The following PRAG1 variants were observed in gnomAD, a reference collection of about 807,000 sequenced individuals.
The protein encoded by PRAG1 is PEAK1 related, kinase-activating pseudokinase 1, also known as inactive tyrosine-protein kinase PRAG1.
A neutral mutation model predicts 95.6 loss-of-function variants in PRAG1; 110 were observed. That is an observed-to-expected ratio of 1.15 (90% CI 0.99 to 1.35). The LOEUF (loss-of-function observed/expected upper bound fraction) is 1.35. Ranked by LOEUF, PRAG1 falls within the 40% of genes most tolerant of loss-of-function variation. The pLI is 0.00. For missense variants in PRAG1, 2,554 were observed against 1,864.7 expected, an observed-to-expected ratio of 1.37 and a Z score of -6.81; for synonymous variants, 1,052 against 819.4, an observed-to-expected ratio of 1.28 and a Z score of -4.85.
chr8:8,356,120 G>C (rs1417966646), intron 3 of PRAG1, among the ~76,000 whole-genome samples: 2 of 152,164 alleles, frequency 1.3e-5, no homozygotes, highest in Non-Finnish European at 2.9e-5. Context: ...CAAAGGATCT[G>C]AACAGACATT....
At chr8:8,349,538 T>C (rs144535923) in intron 3 of PRAG1, among the ~76,000 whole-genome samples, 1,774 of 152,166 alleles carry the variant, frequency 0.012, 34 homozygotes, top group African/African-American at 0.04. Context: ...TGCCTCGGCC[T>C]CCCAAAGTGC....
At chr8:8,322,013 G>C (rs1342435219) in intron 5 of PRAG1, among the ~76,000 whole-genome samples, 1 of 152,186 alleles carries the variant, frequency 6.6e-6, no homozygotes, top group African/African-American at 2.4e-5. Context: ...GAGTCATTAA[G>C]AGGAACTCAC....
At chr8:8,372,353 A>G (rs1800237653) in intron 3 of PRAG1, among the ~76,000 whole-genome samples, 1 of 152,192 alleles carries the variant, frequency 6.6e-6, no homozygotes, top group Admixed American at 6.5e-5. Flanking sequence ...TGACATTTAA[A>G]CTATGAGTTC....
chr8:8,376,365 C>A lies in PRAG1; in HGVS notation c.2044G>T (p.Gly682Trp), dbSNP rs536639997. 17 of 1,614,194 alleles carry A rather than the reference C, an allele frequency of 1.1e-5. No homozygotes were observed. Among genetic ancestry groups the A allele is most frequent in the Middle Eastern group, 1.6e-4 (1 of 6,062 alleles). ...HRLHPTDGSSGQNSKVGTGMS... is the reference protein window; with the variant it reads ...HRLHPTDGSSWQNSKVGTGMS... Reference sequence around the variant, plus strand: ...CCGGTCCCAACTTTGCTGTTCTGCCCAGAGGAGCCATCTGTGGGGTGGAGA... The same window carrying A: ...CCGGTCCCAACTTTGCTGTTCTGCCAAGAGGAGCCATCTGTGGGGTGGAGA... Residue 682 changes from glycine (G) to tryptophan (W), a missense_variant, in exon 3 of 6, where the codon GGG becomes TGG. Coordinates refer to ENST00000615670, the MANE Select transcript of PRAG1 (RefSeq NM_001080826.3).
At chr8:8,384,852 A>T (rs1800798965) in intron 1 of PRAG1, among the ~76,000 whole-genome samples, 2 of 152,142 alleles carry the variant, frequency 1.3e-5, no homozygotes, top group African/African-American at 4.8e-5. Flanking sequence ...CCATTTCAGT[A>T]GGAGGCTGCA....
chr8:8,380,983 G>A (rs1800617270), intron 2 of PRAG1, among the ~76,000 whole-genome samples: 1 of 152,026 alleles, frequency 6.6e-6, no homozygotes, highest in African/African-American at 2.4e-5. Flanking sequence ...AAAATCATAG[G>A]GAAGGGGGTC....
At chr8:8,372,556 G>T (rs767775717) in intron 3 of PRAG1, among the ~76,000 whole-genome samples, 13 of 152,184 alleles carry the variant, frequency 8.5e-5, no homozygotes, top group African/African-American at 3.1e-4. Flanking sequence ...AGGCCTTGCC[G>T]TACCCGCCTG....
intron 1 of PRAG1, among the ~76,000 whole-genome samples, chr8:8,384,018 G>A (rs1800767605): frequency 6.6e-6 from 1 of 152,202 alleles, no homozygotes; most frequent in African/African-American, 2.4e-5. Flanking sequence ...CTCCACTGCA[G>A]GCAGATGCTC....
intron 3 of PRAG1, among the ~76,000 whole-genome samples, chr8:8,346,649 AAGCTTTCAGAATGAG>A (rs1411553558): frequency 6.6e-6 from 1 of 152,196 alleles, no homozygotes; most frequent in African/African-American, 2.4e-5. Flanking sequence ...AATACCCCCG[AAGCTTTCAGAATGAG>A]AGCTTTCAGA....
chr8:8,369,836 G>C (rs1800133421), intron 3 of PRAG1, among the ~76,000 whole-genome samples: 1 of 152,002 alleles, frequency 6.6e-6, no homozygotes, highest in Admixed American at 6.6e-5. Flanking sequence ...AAACAGAACA[G>C]AGGATGTGGT....
Position 8,318,942 on chromosome 8 carries a change from C to G in PRAG1, c.3433G>C (p.Asp1145His), listed in dbSNP as rs1798380617. The change falls in exon 6 of 6, where the codon GAC becomes CAC. Residue 1145 changes from aspartate to histidine, a missense_variant. Physicochemically the swap from Asp to His is moderately conservative, Grantham distance 81 (BLOSUM62 -1). Coordinates refer to ENST00000615670, the MANE Select transcript of PRAG1 (RefSeq NM_001080826.3). This position sits in a 1 kb window ranked among gnomAD's most constrained non-coding sequence, Gnocchi z 4.2. ...AGCAGCAGGTTCTCCAGGCACAGGT[C>G]CCGGTGGATGATCCCGTGCTCCTTC... Reference protein sequence around the residue: ...HLKEHGIIHRDLCLENLLLVH... With the variant: ...HLKEHGIIHRHLCLENLLLVH... The G allele has an allele frequency of 6.2e-6, 10 of 1,612,282 alleles. No homozygotes were observed. In the South Asian group the frequency reaches 7.7e-5, roughly 12 times the overall value.
chr8:8,373,173 T>C (rs1800270404), intron 3 of PRAG1, among the ~76,000 whole-genome samples: 1 of 152,138 alleles, frequency 6.6e-6, no homozygotes, highest in Non-Finnish European at 1.5e-5. Context: ...GGCTGCATTC[T>C]CACTAACACT....
At chr8:8,364,289 A>G (rs1799937315) in intron 3 of PRAG1, among the ~76,000 whole-genome samples, 1 of 152,162 alleles carries the variant, frequency 6.6e-6, no homozygotes, top group Non-Finnish European at 1.5e-5. Flanking sequence ...AGCTCTTCAA[A>G]TTCTTGCCCT....
chr8:8,351,776 C>G (rs764980497), intron 3 of PRAG1, among the ~76,000 whole-genome samples: 1 of 152,136 alleles, frequency 6.6e-6, no homozygotes, highest in Non-Finnish European at 1.5e-5. Context: ...CATCAGCCTG[C>G]CTTCCCCTTG....
intron 3 of PRAG1, among the ~76,000 whole-genome samples, chr8:8,370,957 G>T (rs572518084): frequency 5.9e-5 from 9 of 152,088 alleles, no homozygotes; most frequent in Admixed American, 5.9e-4. Context: ...TGAGCAACAC[G>T]GTGAAACCCC....
chr8:8,330,666 G>C (rs759845956), intron 4 of PRAG1, among the ~76,000 whole-genome samples: 1 of 152,194 alleles, frequency 6.6e-6, no homozygotes, highest in African/African-American at 2.4e-5. Flanking sequence ...AGAAGAAATA[G>C]CGAGCCAGAA....
Position 8,328,112 on chromosome 8 carries a change from G to T in PRAG1, c.2670C>A (p.Gly890=). The T allele has an allele frequency of 6.2e-7, 1 of 1,613,492 alleles. No individual in the cohort carries two copies. Among genetic ancestry groups the T allele is most frequent in the Non-Finnish European group, 8.5e-7 (1 of 1,179,436 alleles). Reference sequence around the variant, plus strand: ...CCAGCCCTGCTGCCGGAAGCCAGTGGCCACTGCCTTTGAAAGCTTTCTCCA... The same window carrying T: ...CCAGCCCTGCTGCCGGAAGCCAGTGTCCACTGCCTTTGAAAGCTTTCTCCA... ...DPLEKAFKGS[G]HWLPAAGLAG... The change falls in exon 5 of 6, where the codon GGC becomes GGA. Residue 890 remains glycine, a synonymous_variant. Transcript: ENST00000615670.
intron 1 of PRAG1, among the ~76,000 whole-genome samples, chr8:8,382,930 G>T (rs1287100068): frequency 6.6e-6 from 1 of 152,138 alleles, no homozygotes; most frequent in African/African-American, 2.4e-5. Context: ...GGTGATTTGC[G>T]CATTGCTCCT....
intron 3 of PRAG1, among the ~76,000 whole-genome samples, chr8:8,375,430 C>A (rs1040550348): frequency 2.0e-5 from 3 of 152,078 alleles, no homozygotes; most frequent in African/African-American, 7.2e-5. Context: ...TCTCGATCTC[C>A]TGATCGTGAT....
Sources: gnomAD v4.1 joint callset for allele counts (sites outside exome capture counted in the v4.1 genomes callset) on GRCh38, gnomAD v4.1.1 for gene constraint, Gnocchi (gnomAD v3.1) non-coding constraint, MANE v1.5 for transcripts, NCBI Gene and HGNC (gene_info 2026-07-23, HGNC 2026-07-21) for gene names.